The following PGM5 variants were observed in gnomAD, a reference collection of about 807,000 sequenced individuals.
PGM5 encodes the protein phosphoglucomutase-like protein 5.
Under a neutral mutation model 59.2 loss-of-function variants are expected in PGM5, and 23 were observed. That is an observed-to-expected ratio of 0.39 (90% CI 0.28 to 0.55). PGM5 has a LOEUF of 0.55. Among genes scored for constraint, PGM5 ranks in the 20% least tolerant of loss-of-function variants. The pLI is 0.66. For synonymous variants in PGM5, 214 were observed against 286.0 expected, an observed-to-expected ratio of 0.75 and a Z score of 2.54; for missense variants, 574 against 748.3, an observed-to-expected ratio of 0.77 and a Z score of 2.72.
chr9:68,361,354 T>C (rs1231059881), intron 1 of PGM5, among the ~76,000 whole-genome samples: 12 of 152,256 alleles, frequency 7.9e-5, no homozygotes, highest in Admixed American at 3.9e-4. Flanking sequence ...TCCTGCAGAA[T>C]ATTTCCCCTT....
At chr9:68,501,931 A>G (rs1824580384) in intron 10 of PGM5, among the ~76,000 whole-genome samples, 1 of 152,276 alleles carries the variant, frequency 6.6e-6, no homozygotes, top group African/African-American at 2.4e-5. Context: ...TAGTGATGCA[A>G]TTAGGAAAAC....
chr9:68,395,798 T>C (rs1279556444), intron 6 of PGM5: 1 of 152,132 alleles, frequency 6.6e-6, no homozygotes, highest in Non-Finnish European at 1.5e-5. Flanking sequence ...AAGAATCACC[T>C]ACCTTTTGGA....
intron 10 of PGM5, among the ~76,000 whole-genome samples, chr9:68,518,253 G>A (rs566486957): frequency 3.4e-4 from 52 of 152,214 alleles, no homozygotes; most frequent in Non-Finnish European, 6.8e-4. Context: ...ATAAATCCAT[G>A]GCTCTGATCT....
In PGM5 at chr9:68,357,244, C is replaced by G. The variant is rs1261775217; in HGVS notation, c.117C>G (p.Asn39Lys). The G allele has an allele frequency of 1.4e-5, 21 of 1,543,072 alleles. No homozygotes were observed. The highest frequency in any genetic ancestry group is 4.6e-4 in the Middle Eastern group (2 of 4,378). ...CCGGCCTCTTCGAGGGCCAGCGCAA[C>G]TACCTGCCCAACTTTATCCAGAGCG... Reference protein sequence around the residue: ...RPTGLFEGQRNYLPNFIQSVL... With the variant: ...RPTGLFEGQRKYLPNFIQSVL... Residue 39 changes from asparagine (N) to lysine (K), a missense_variant, in exon 1 of 11, where the codon AAC (asparagine) becomes AAG (lysine). Coordinates refer to ENST00000396396, the MANE Select transcript of PGM5 (RefSeq NM_021965.4).
At chr9:68,366,949 C>T (rs1326298560) in intron 1 of PGM5, among the ~76,000 whole-genome samples, 3 of 152,144 alleles carry the variant, frequency 2.0e-5, no homozygotes, top group Admixed American at 6.5e-5. Flanking sequence ...AACCAGAAAG[C>T]GCCTGCTGAT....
intron 6 of PGM5, among the ~76,000 whole-genome samples, chr9:68,407,853 G>A (rs1464967637): frequency 6.6e-6 from 1 of 152,232 alleles, no homozygotes; most frequent in Non-Finnish European, 1.5e-5. Flanking sequence ...TGATATACCT[G>A]TGCACTGGCA....
chr9:68,505,852 T>TCA (rs1197180214), intron 10 of PGM5, among the ~76,000 whole-genome samples: 1 of 152,184 alleles, frequency 6.6e-6, no homozygotes, highest in Non-Finnish European at 1.5e-5. Context: ...TCCCTATAGG[T>TCA]CACGGGGTGG....
chr9:68,444,634 A>G (rs1235236030), intron 6 of PGM5, among the ~76,000 whole-genome samples: 1 of 149,260 alleles, frequency 6.7e-6, no homozygotes, highest in Non-Finnish European at 1.5e-5. Context: ...TCGCATGCCC[A>G]CTCTTTGGCC....
intron 6 of PGM5, among the ~76,000 whole-genome samples, chr9:68,450,633 G>A (rs1554684278): frequency 6.6e-6 from 1 of 152,150 alleles, no homozygotes; most frequent in East Asian, 1.9e-4. Flanking sequence ...ACTTTTATTT[G>A]GATTGGATAT....
chr9:68,520,720 G>A (rs1564028381), intron 10 of PGM5, among the ~76,000 whole-genome samples: 2 of 152,148 alleles, frequency 1.3e-5, no homozygotes, highest in Non-Finnish European at 2.9e-5. Flanking sequence ...GGAATCAAAG[G>A]GAAGTCCTTT....
chr9:68,505,258 C>T (rs1824636159), intron 10 of PGM5, among the ~76,000 whole-genome samples: 1 of 152,124 alleles, frequency 6.6e-6, no homozygotes, highest in South Asian at 2.1e-4. Flanking sequence ...TGCTTGAGTC[C>T]AAGGCTACCT....
intron 8 of PGM5, among the ~76,000 whole-genome samples, chr9:68,481,269 C>T (rs1322466012): frequency 6.6e-6 from 1 of 152,174 alleles, no homozygotes; most frequent in Admixed American, 6.5e-5. Context: ...ATGTAAACAA[C>T]AACAACATCA....
intron 6 of PGM5, among the ~76,000 whole-genome samples, chr9:68,434,848 C>T (rs1480221608): frequency 6.6e-6 from 1 of 151,976 alleles, no homozygotes; most frequent in Admixed American, 6.5e-5. Flanking sequence ...GACTACTGCA[C>T]ACCACATATA....
rs756466031 is a variant in PGM5, at chr9:68,437,602, C to G, written c.1044-27491C>G. ...TCACACACACACACACACACACACT[C>G]TCACACATTTTACCCACACATGCAT... On this transcript the variant is annotated intron_variant, in intron 6 of 10. Coordinates refer to ENST00000396396, the MANE Select transcript of PGM5 (RefSeq NM_021965.4). This position sits in a 1 kb window ranked among gnomAD's most constrained non-coding sequence, Gnocchi z 4.1. 9.0e-4 allele frequency among the ~76,000 whole-genome samples: 115 copies of G among 128,368 alleles called. No homozygotes were observed. Among genetic ancestry groups the G allele is most frequent in the Non-Finnish European group, 1.5e-3 (96 of 65,388 alleles). The allele number at this position is 128,368 out of a possible 152,430, so 84.2% of individuals were successfully genotyped here.
At position 68,373,154 on chromosome 9, in the gene PGM5, C is replaced by T. The variant is rs553939782; in HGVS notation, c.262-5045C>T. Among the ~76,000 whole-genome samples, 22 of 132,388 alleles carry T rather than the reference C, an allele frequency of 1.7e-4. 1 individual carries two copies. The East Asian group carries it at 4.6e-3, about 27-fold the overall frequency. The allele number at this position is 132,388 out of a possible 152,430, so 86.9% of individuals were successfully genotyped here. On this transcript the variant is annotated intron_variant, in intron 1 of 10. Transcript: ENST00000396396. ...TATTAAAATCCTCCTCTGCCTAGGT[C>T]ACCATTTTGTGAGTGTCCATAAGGG...
chr9:68,453,447 T>A (rs1284514190), intron 6 of PGM5, among the ~76,000 whole-genome samples: 1 of 151,962 alleles, frequency 6.6e-6, no homozygotes, highest in Non-Finnish European at 1.5e-5. Flanking sequence ...CAAGCAATCC[T>A]CCCATCTCAG....
chr9:68,393,608 T>G (rs192802075), intron 6 of PGM5, among the ~76,000 whole-genome samples: 1 of 152,008 alleles, frequency 6.6e-6, no homozygotes, highest in Non-Finnish European at 1.5e-5. Flanking sequence ...ATCAACCAGG[T>G]GTAGTGGCAT....
chr9:68,376,117 G>A (rs1264126944), intron 1 of PGM5, among the ~76,000 whole-genome samples: 2 of 152,146 alleles, frequency 1.3e-5, no homozygotes, highest in Non-Finnish European at 2.9e-5. Flanking sequence ...AAAGCTATTG[G>A]AATGTTTTAG....
rs114069898 is a variant in PGM5, at chr9:68,491,427, C to A, written c.1479+7379C>A. Among the ~76,000 whole-genome samples the A allele has an allele frequency of 2.1e-3, 314 of 152,270 alleles. 2 individuals are homozygous for A. Among genetic ancestry groups the A allele is most frequent in the African/African-American group, 7.1e-3 (297 of 41,548 alleles). Reference sequence around the variant, plus strand: ...GGTTGTTATATGGTTGTTTAGCTCTCCAGATAAAGAGCTAAGGTTTCCTAT... The same window carrying A: ...GGTTGTTATATGGTTGTTTAGCTCTACAGATAAAGAGCTAAGGTTTCCTAT... On this transcript the variant is annotated intron_variant, in intron 9 of 10. Transcript: ENST00000396396.
Sources: gnomAD v4.1 joint callset for allele counts (sites outside exome capture counted in the v4.1 genomes callset) on GRCh38, gnomAD v4.1.1 for gene constraint, Gnocchi (gnomAD v3.1) non-coding constraint, MANE v1.5 for transcripts, NCBI Gene and HGNC (gene_info 2026-07-23, HGNC 2026-07-21) for gene names.